The following STK32C variants were observed in gnomAD, a reference collection of about 807,000 sequenced individuals.
STK32C encodes serine/threonine-protein kinase 32C.
Under a neutral mutation model 56.5 loss-of-function variants are expected in STK32C, and 31 were observed. That is an observed-to-expected ratio of 0.55 (90% confidence interval 0.41 to 0.74). STK32C has a LOEUF of 0.74. STK32C is among the 30% of genes least tolerant of loss of function. The pLI is 0.00. For missense variants in STK32C, 544 were observed against 676.9 expected (o/e 0.80, Z 2.18); for synonymous variants, 309 against 289.4 (o/e 1.07, Z -0.69).
intron 1 of STK32C, among the ~76,000 whole-genome samples, chr10:132,291,061 C>T (rs2065549102): frequency 6.6e-6 from 1 of 152,250 alleles, no homozygotes; most frequent in Non-Finnish European, 1.5e-5. Flanking sequence ...TGGGACCTCA[C>T]TGTTTGTATG....
At chr10:132,275,787 T>C (rs775879642) in intron 1 of STK32C, among the ~76,000 whole-genome samples, 4 of 152,300 alleles carry the variant, frequency 2.6e-5, no homozygotes, top group Admixed American at 1.3e-4. Context: ...TTAGAGAAAC[T>C]ACAGCCTTCA....
chr10:132,222,034 C>T (rs1277604899), intron 10 of STK32C, among the ~76,000 whole-genome samples: 2 of 147,092 alleles, frequency 1.4e-5, no homozygotes, highest in Non-Finnish European at 1.5e-5. Flanking sequence ...AGTGTGAGGG[C>T]TTCACATGGC....
chr10:132,269,821 TGA>T lies in STK32C; in HGVS notation c.263-23868_263-23867del, dbSNP rs778849369. Among the ~76,000 whole-genome samples the T allele has an allele frequency of 2.6e-5, 4 of 152,152 alleles. No homozygotes were observed. In the South Asian group the frequency reaches 6.2e-4, roughly 24 times the overall value. On this transcript the variant is annotated intron_variant, in intron 1 of 11. Transcript: ENST00000298630. ...ACAGTGGGGGCAGTTCTCCCAAGCC[TGA>T]GAGGTTGGTGTTGGGAGGAGGCGTT... is the stretch of plus-strand genomic sequence containing the variant.
rs1225936673 is a variant in STK32C, at chr10:132,225,739, CCA to C, written c.682+6_682+7del. On this transcript the variant is annotated splice_donor_region_variant and intron_variant, in intron 5 of 11. Transcript: ENST00000298630. Reference sequence around the variant, plus strand: ...CCACCTGGGCTGCCCACACCCAACCCCACACACCTCTCTCATCCAGGAGAATG... The same window carrying C: ...CCACCTGGGCTGCCCACACCCAACCCCACACCTCTCTCATCCAGGAGAATG... The C allele has an allele frequency of 6.2e-7, 1 of 1,614,142 alleles. No homozygotes were observed. The highest frequency in any genetic ancestry group is 1.3e-5 in the African/African-American group (1 of 75,060).
intron 1 of STK32C, among the ~76,000 whole-genome samples, chr10:132,298,225 G>T (rs1223599186): frequency 2.6e-5 from 4 of 152,230 alleles, no homozygotes; most frequent in Admixed American, 2.6e-4. Context: ...TCCCTCCCCT[G>T]AATCTGAGCT....
At chr10:132,230,670 G>T (rs1162390673) in intron 2 of STK32C, among the ~76,000 whole-genome samples, 1 of 122,550 alleles carries the variant, frequency 8.2e-6, no homozygotes, top group African/African-American at 3.2e-5. Context: ...CTGCTGGGGG[G>T]GAAGCTGGCG....
At chr10:132,245,774 T>C in intron 2 of STK32C, 126 bp downstream of exon 2, 1 of 928,770 alleles carries the variant, frequency 1.1e-6, no homozygotes, top group South Asian at 1.5e-5. Flanking sequence ...ACCTGGAGCC[T>C]CTGCCCAGGT....
chr10:132,237,165 T>C (rs915852744), intron 2 of STK32C, among the ~76,000 whole-genome samples: 3 of 152,190 alleles, frequency 2.0e-5, no homozygotes, highest in African/African-American at 7.2e-5. Context: ...GCCCCTGGGC[T>C]CCCACTCCCT....
chr10:132,321,914 T>G (rs1244601124), downstream of STK32C, among the ~76,000 whole-genome samples: 1 of 152,160 alleles, frequency 6.6e-6, no homozygotes, highest in African/African-American at 2.4e-5. Flanking sequence ...GGTGCACGCC[T>G]CCATCTGCTT....
At chr10:132,239,348 C>A (rs1282600328) in intron 2 of STK32C, among the ~76,000 whole-genome samples, 1 of 152,122 alleles carries the variant, frequency 6.6e-6, no homozygotes, top group Non-Finnish European at 1.5e-5. Context: ...CCTCCCCAAG[C>A]TGGGGGAGCC....
At chr10:132,305,162 T>C (rs1429356303) in intron 1 of STK32C, among the ~76,000 whole-genome samples, 1 of 152,178 alleles carries the variant, frequency 6.6e-6, no homozygotes. Context: ...AGGGATAGAA[T>C]GGGAGCATGT....
In STK32C at chr10:132,222,834, CCCCACCTG is replaced by C; in HGVS notation, c.1119+19_1119+26del. 1.3e-6 allele frequency: 2 copies of C among 1,590,684 alleles called. No homozygotes were observed. Among genetic ancestry groups the C allele is most frequent in the Non-Finnish European group, 1.7e-6 (2 of 1,169,722 alleles). On this transcript the variant is annotated intron_variant, in intron 9 of 11. Transcript: ENST00000298630. ...GGACGCCACATCCATCCCCAGGGCC[CCCCACCTG>C]AGCCGCCCACAGGCTTACGTTGGGC...
rs911033460 is a variant in STK32C at position 132,255,638 on chromosome 10, C to T, written c.263-9683G>A. Among the ~76,000 whole-genome samples, 4 of 152,126 alleles carry T rather than the reference C, an allele frequency of 2.6e-5. No homozygotes were observed. The highest frequency in any genetic ancestry group is 9.7e-5 in the African/African-American group (4 of 41,422). The stretch of plus-strand genomic sequence containing the variant: ...GCAGGGGGCCCTGCAGGAAGCAGGT[C>T]CCTCAACCCTTGCTGAGCCCCACGC... On this transcript the variant is annotated intron_variant, in intron 1 of 11. Transcript: ENST00000298630. The surrounding 1 kb of genome is among the most constrained non-coding windows in gnomAD (Gnocchi z 4.6).
intron 2 of STK32C, among the ~76,000 whole-genome samples, chr10:132,230,688 G>C (rs934658922): frequency 7.0e-6 from 1 of 142,646 alleles, no homozygotes; most frequent in Non-Finnish European, 1.6e-5. Context: ...GCGGGGGGGG[G>C]GGGGCTGCAG....
At chr10:132,258,222 G>T (rs2064190676) in intron 1 of STK32C, among the ~76,000 whole-genome samples, 1 of 152,252 alleles carries the variant, frequency 6.6e-6, no homozygotes, top group African/African-American at 2.4e-5. Context: ...GGGCCCAGCT[G>T]CCAAGGCTGG....
chr10:132,267,273 C>G (rs1407936424), intron 1 of STK32C, among the ~76,000 whole-genome samples: 1 of 152,232 alleles, frequency 6.6e-6, no homozygotes, highest in Non-Finnish European at 1.5e-5. Context: ...TGCGAGAAGT[C>G]TGCACAGCCC....
chr10:132,235,249 A>G (rs1185974572), intron 2 of STK32C, among the ~76,000 whole-genome samples: 8 of 152,158 alleles, frequency 5.3e-5, no homozygotes, highest in Non-Finnish European at 1.2e-4. Flanking sequence ...TGTAATCTCA[A>G]TACTTTGAGA....
At chr10:132,285,445 C>T (rs2065371257) in intron 1 of STK32C, among the ~76,000 whole-genome samples, 1 of 152,128 alleles carries the variant, frequency 6.6e-6, no homozygotes, top group Non-Finnish European at 1.5e-5. Context: ...AGCAAGACAC[C>T]ACTATATATT....
chr10:132,227,612 T>C (rs2062938064), intron 3 of STK32C, among the ~76,000 whole-genome samples: 1 of 139,652 alleles, frequency 7.2e-6, no homozygotes, highest in African/African-American at 2.5e-5. Context: ...GTGATGGCGA[T>C]GATGGTGGTG....
Sources: allele counts gnomAD v4.1 joint callset (sites outside exome capture counted in the v4.1 genomes callset), GRCh38; gene constraint gnomAD v4.1.1; non-coding constraint Gnocchi (gnomAD v3.1); transcripts MANE v1.5; gene names NCBI Gene and HGNC (gene_info 2026-07-23, HGNC 2026-07-21).